SNTG2: variants seen among roughly 807,000 people sequenced by gnomAD.
SNTG2 encodes gamma-2-syntrophin.
In SNTG2, 74 loss-of-function variants were observed where a neutral mutation model predicts 70.9. The observed-to-expected ratio is 1.04, with a 90% CI of 0.86 to 1.27. The LOEUF (loss-of-function observed/expected upper bound fraction) is 1.27. SNTG2 is among the 50% of genes most tolerant of loss of function. SNTG2 has a pLI of 0.00. For synonymous variants in SNTG2, 278 were observed against 273.8 expected, an observed-to-expected ratio of 1.02 and a Z score of -0.15; for missense variants, 717 against 690.7, an observed-to-expected ratio of 1.04 and a Z score of -0.43.
chr2:1,228,108 G>T (rs1675918942), intron 9 of SNTG2, among the ~76,000 whole-genome samples: 1 of 152,220 alleles, frequency 6.6e-6, no homozygotes, highest in African/African-American at 2.4e-5. Context: ...TCAGATCTCA[G>T]CTAGTGCTTC....
chr2:1,293,342 T>G (rs1680068030), intron 14 of SNTG2, among the ~76,000 whole-genome samples: 1 of 152,096 alleles, frequency 6.6e-6, no homozygotes, highest in Non-Finnish European at 1.5e-5. Flanking sequence ...GTTTTTCTAT[T>G]TTGTCTTTTT....
At chr2:1,189,737 C>T (rs757823342) in intron 8 of SNTG2, among the ~76,000 whole-genome samples, 5 of 148,842 alleles carry the variant, frequency 3.4e-5, no homozygotes, top group East Asian at 2.1e-4. Flanking sequence ...TTAGTAGAGA[C>T]GGGGTTTCAC....
At chr2:1,171,704 C>T (rs1671135272) in intron 7 of SNTG2, among the ~76,000 whole-genome samples, 1 of 152,160 alleles carries the variant, frequency 6.6e-6, no homozygotes, top group Non-Finnish European at 1.5e-5. Context: ...ATTCTTATTT[C>T]CCCCAGAGTT....
chr2:1,176,575 G>A (rs1048565126), intron 8 of SNTG2, among the ~76,000 whole-genome samples: 1 of 151,888 alleles, frequency 6.6e-6, no homozygotes, highest in Non-Finnish European at 1.5e-5. Context: ...CAAAGTGGGA[G>A]ACAATTTTTG....
At chr2:1,256,249 G>A (rs929312351) in intron 12 of SNTG2, among the ~76,000 whole-genome samples, 1 of 152,080 alleles carries the variant, frequency 6.6e-6, no homozygotes, top group Non-Finnish European at 1.5e-5. Flanking sequence ...GGCCACCGTG[G>A]TCTGTGCAGT....
At chr2:1,323,668 T>G (rs2148274678) in intron 16 of SNTG2, among the ~76,000 whole-genome samples, 1 of 145,232 alleles carries the variant, frequency 6.9e-6, no homozygotes, top group African/African-American at 2.6e-5. Context: ...AGACTAACAG[T>G]CACATGGCTG....
At chr2:1,326,133 G>A (rs11890895) in intron 16 of SNTG2, among the ~76,000 whole-genome samples, 1 of 151,900 alleles carries the variant, frequency 6.6e-6, no homozygotes, top group African/African-American at 2.4e-5. Context: ...GCACCCAGCC[G>A]GCATATCAGA....
chr2:961,487 C>T (rs909142882), intron 1 of SNTG2, among the ~76,000 whole-genome samples: 9 of 152,178 alleles, frequency 5.9e-5, no homozygotes, highest in Admixed American at 1.3e-4. Flanking sequence ...TAACACACCA[C>T]GGTGTGCCCA....
chr2:1,328,311 G>A (rs1042357277), intron 16 of SNTG2, among the ~76,000 whole-genome samples: 7 of 152,126 alleles, frequency 4.6e-5, no homozygotes, highest in Non-Finnish European at 1.0e-4. Context: ...GTACATGCAT[G>A]CAGATACAAC....
chr2:1,140,546 A>G (rs1028021671), intron 6 of SNTG2, among the ~76,000 whole-genome samples: 14 of 152,294 alleles, frequency 9.2e-5, no homozygotes, highest in African/African-American at 3.4e-4. Flanking sequence ...GGGACCACTG[A>G]TCCCGAGTGA....
At chr2:1,202,144 A>G (rs1317219751) in intron 8 of SNTG2, among the ~76,000 whole-genome samples, 1 of 152,076 alleles carries the variant, frequency 6.6e-6, no homozygotes, top group Admixed American at 6.6e-5. Flanking sequence ...ATGAATGGCA[A>G]ATAGGTGGGT....
intron 1 of SNTG2, among the ~76,000 whole-genome samples, chr2:954,526 T>C (rs1027447788): frequency 6.6e-6 from 1 of 152,210 alleles, no homozygotes; most frequent in African/African-American, 2.4e-5. Flanking sequence ...TTGTCATGAC[T>C]GTAGTTTTGA....
At chr2:1,321,000 A>G (rs1221466376) in intron 16 of SNTG2, among the ~76,000 whole-genome samples, 2 of 152,230 alleles carry the variant, frequency 1.3e-5, no homozygotes, top group Non-Finnish European at 2.9e-5. Context: ...GTCAGCACAT[A>G]TGTACACTTA....
intron 4 of SNTG2, among the ~76,000 whole-genome samples, chr2:1,110,827 T>C (rs1666395700): frequency 6.6e-6 from 1 of 152,242 alleles, no homozygotes; most frequent in African/African-American, 2.4e-5. Flanking sequence ...TCAGATACTA[T>C]CTGGTTTTTC....
intron 16 of SNTG2, among the ~76,000 whole-genome samples, chr2:1,346,728 A>G (rs901514182): frequency 1.3e-5 from 2 of 152,170 alleles, no homozygotes; most frequent in Non-Finnish European, 2.9e-5. Flanking sequence ...GGTTTCATAC[A>G]TTTCAGGCTG....
At chr2:1,114,155 G>A (rs117036364) in intron 4 of SNTG2, among the ~76,000 whole-genome samples, 272 of 109,294 alleles carry the variant, frequency 2.5e-3, no homozygotes, top group African/African-American at 6.1e-3. Context: ...TAACCCTTAC[G>A]GTCCTTTGAG....
chr2:1,092,372 G>A (rs370914017), intron 2 of SNTG2, among the ~76,000 whole-genome samples: 17 of 152,252 alleles, frequency 1.1e-4, no homozygotes, highest in Middle Eastern at 3.4e-3. Flanking sequence ...GAGGGGGATC[G>A]ACGAGGACCT....
rs144711620 is a variant in SNTG2, at chr2:983,263, G to A, written c.72+32195G>A. 1.2e-4 allele frequency among the ~76,000 whole-genome samples: 18 copies of A among 150,018 alleles called. No homozygotes were observed. In the East Asian group the frequency reaches 3.3e-3, roughly 28 times the overall value. On this transcript the variant is annotated intron_variant, in intron 1 of 16. Coordinates refer to ENST00000308624, the MANE Select transcript of SNTG2 (RefSeq NM_018968.4). ...GGATGAAGAAGTTGCAGAGGTGGAG[G>A]TTGGGATGAAGCAGAGGCTCTCTTC... is the stretch of plus-strand genomic sequence containing the variant.
intron 12 of SNTG2, 72 bp downstream of exon 12, chr2:1,247,515 C>T: frequency 9.3e-7 from 1 of 1,074,740 alleles, no homozygotes; most frequent in Non-Finnish European, 1.4e-6. Context: ...GGGAAAGCTA[C>T]ATCTGGTGTT....
Sources: gnomAD v4.1 joint callset for allele counts (sites outside exome capture counted in the v4.1 genomes callset) on GRCh38, gnomAD v4.1.1 for gene constraint, MANE v1.5 for transcripts, NCBI Gene and HGNC (gene_info 2026-07-23, HGNC 2026-07-21) for gene names.